The following LRCH2 variants were observed in gnomAD, a reference collection of about 807,000 sequenced individuals.
LRCH2 encodes the protein leucine-rich repeat and calponin homology domain-containing protein 2.
LRCH2 carries 38 observed loss-of-function variants against 68.9 expected under a neutral mutation model. The ratio of observed to expected loss-of-function variants is 0.55; its 90% CI spans 0.43 to 0.72. The LOEUF (loss-of-function observed/expected upper bound fraction) is 0.72. Ranked by LOEUF, LRCH2 falls within the 30% of genes least tolerant of loss-of-function variation. The pLI is 0.00. For synonymous variants in LRCH2, 191 were observed against 208.1 expected, an observed-to-expected ratio of 0.92 and a Z score of 0.71; for missense variants, 528 against 572.9, an observed-to-expected ratio of 0.92 and a Z score of 0.80.
intron 6 of LRCH2, among the ~76,000 whole-genome samples, chrX:115,168,943 TCAA>T (rs1556546453): frequency 9.0e-6 from 1 of 111,578 alleles, no homozygotes; most frequent in East Asian, 2.8e-4. Context: ...CTCTCTAAAA[TCAA>T]CATGTACCAC....
In LRCH2 at chrX:115,112,996, G is replaced by GA. The variant is rs1452062287; in HGVS notation, c.*219dup. 3 of 255,289 alleles carry GA rather than the reference G, an allele frequency of 1.2e-5. No homozygotes were observed. The highest frequency in any genetic ancestry group is 2.1e-5 in the Non-Finnish European group (3 of 142,574). 21.0% of individuals were successfully genotyped at this position (255,289 alleles called of 1,213,427 possible). A position where few individuals can be genotyped will look rare whatever the true frequency, so the allele number is the denominator to read the frequency against. On this transcript the variant is annotated 3_prime_UTR_variant, in exon 21 of 21. Transcript: ENST00000317135. ...AACTGACTTAGTAAAAAGAGAATTT[G>GA]AGTTTATCAAATACTCTTATTAAGT...
chrX:115,162,244 A>G (rs1376017176), intron 11 of LRCH2, among the ~76,000 whole-genome samples: 1 of 111,372 alleles, frequency 9.0e-6, no homozygotes, highest in Non-Finnish European at 1.9e-5. Context: ...TAAAAAAACA[A>G]TATTATCGTC....
At chrX:115,209,848 G>A (rs953424503) in intron 1 of LRCH2, among the ~76,000 whole-genome samples, 1 of 111,835 alleles carries the variant, frequency 8.9e-6, no homozygotes, top group African/African-American at 3.3e-5. Context: ...TTGGGAACTG[G>A]AGCAAAGGTG....
chrX:115,233,094 A>G (rs2073163421), intron 1 of LRCH2, among the ~76,000 whole-genome samples: 1 of 112,191 alleles, frequency 8.9e-6, no homozygotes, highest in South Asian at 3.7e-4. Context: ...GATTTAATTT[A>G]CCACTGCAGC....
intron 5 of LRCH2, among the ~76,000 whole-genome samples, chrX:115,174,593 C>A (rs1170878032): frequency 1.6e-3 from 12 of 7,538 alleles, no homozygotes; most frequent in African/African-American, 1.8e-3. Context: ...ACAAACACAC[C>A]CCCCCCCCCA....
chrX:115,176,741 CTT>C (rs1241375452), intron 5 of LRCH2, among the ~76,000 whole-genome samples: 4 of 104,448 alleles, frequency 3.8e-5, no homozygotes, highest in Non-Finnish European at 7.8e-5. Context: ...TTTCTTTTTT[CTT>C]TTTTTTTCTT....
chrX:115,182,690 G>A (rs910433584), intron 3 of LRCH2, among the ~76,000 whole-genome samples: 6 of 108,714 alleles, frequency 5.5e-5, no homozygotes, highest in African/African-American at 6.7e-5. Flanking sequence ...AAAATTAGCC[G>A]GGCGCGGTGG....
At chrX:115,199,613 T>C (rs2072915890) in intron 1 of LRCH2, among the ~76,000 whole-genome samples, 2 of 111,972 alleles carry the variant, frequency 1.8e-5, no homozygotes, top group Middle Eastern at 4.6e-3. Context: ...CAATTTTAAA[T>C]GTATATGCAC....
At chrX:115,130,010 C>T in intron 15 of LRCH2, 145 bp downstream of exon 15, 2 of 354,517 alleles carry the variant, frequency 5.6e-6, no homozygotes, top group South Asian at 1.1e-4. Context: ...TATGATGATG[C>T]TCATATGTTT....
intron 14 of LRCH2, among the ~76,000 whole-genome samples, chrX:115,147,627 A>G (rs1466813505): frequency 8.9e-6 from 1 of 111,990 alleles, no homozygotes; most frequent in African/African-American, 3.2e-5. Flanking sequence ...TATAAAAAAT[A>G]AAATACCAAT....
Position 115,179,727 on chromosome X carries a change from C to A in LRCH2, c.646G>T (p.Val216Phe). The change falls in exon 4 of 21, where the codon GTC becomes TTC. Residue 216 changes from valine to phenylalanine, a missense_variant. By Grantham distance (50) the Val-to-Phe change is conservative (BLOSUM62 -1). Transcript: ENST00000317135. ...ELDISCNEIQ[V>F]LPQQMGKLHS... ...AATTTTCCCATTTGTTGGGGAAGGACTTGAATCTCATTGCAGCTAATATCC... is the reference window on the plus strand; with the variant it reads ...AATTTTCCCATTTGTTGGGGAAGGAATTGAATCTCATTGCAGCTAATATCC... 1.6e-5 allele frequency: 18 copies of A among 1,154,431 alleles called. No individual in the cohort carries two copies. Among genetic ancestry groups the A allele is most frequent in the Non-Finnish European group, 2.1e-5 (18 of 866,108 alleles).
intron 1 of LRCH2, among the ~76,000 whole-genome samples, chrX:115,195,548 A>G (rs1556562893): frequency 1.8e-5 from 2 of 110,779 alleles, no homozygotes; most frequent in African/African-American, 6.6e-5. Flanking sequence ...AAACATTTCC[A>G]GCACACCTCA....
chrX:115,192,023 A>G (rs1556560631), intron 1 of LRCH2: 1 of 1,166,076 alleles, frequency 8.6e-7, no homozygotes, highest in African/African-American at 1.8e-5. Context: ...GGAGGCCACT[A>G]CGAAGAGTAC....
intron 1 of LRCH2, chrX:115,192,362 G>A: frequency 9.3e-7 from 1 of 1,078,984 alleles, no homozygotes. Flanking sequence ...TACGGCCTGA[G>A]CGACCGCTAC....
At chrX:115,171,166 A>T (rs2072601869) in intron 5 of LRCH2, among the ~76,000 whole-genome samples, 1 of 111,677 alleles carries the variant, frequency 9.0e-6, no homozygotes, top group Admixed American at 9.5e-5. Flanking sequence ...AAATTCTAAT[A>T]AAAAATGTAA....
intron 7 of LRCH2, 83 bp from the exon 8 acceptor site, chrX:115,166,035 T>C (rs1407015341): frequency 1.3e-6 from 1 of 746,703 alleles, no homozygotes; most frequent in Non-Finnish European, 2.0e-6. Flanking sequence ...ACATATGAAT[T>C]ACAGAATGTC....
chrX:115,192,548 T>C (rs1239807222), intron 1 of LRCH2: 1 of 1,169,466 alleles, frequency 8.6e-7, no homozygotes, highest in African/African-American at 1.8e-5. Context: ...AGCCCTCCCC[T>C]GCATGATTCT....
intron 1 of LRCH2, among the ~76,000 whole-genome samples, chrX:115,200,572 T>G (rs2072923207): frequency 9.2e-6 from 1 of 108,192 alleles, no homozygotes. Flanking sequence ...CTACCAAGAT[T>G]GAACAAGGAA....
At chrX:115,122,204 CAAA>C (rs1293459152) in intron 20 of LRCH2, among the ~76,000 whole-genome samples, 4 of 49,090 alleles carry the variant, frequency 8.1e-5, no homozygotes, top group Non-Finnish European at 4.0e-5. Context: ...TGTTCTCTAG[CAAA>C]AAAAAAAAAA....
Sources: gnomAD v4.1 joint callset for allele counts (sites outside exome capture counted in the v4.1 genomes callset) on GRCh38, gnomAD v4.1.1 for gene constraint, MANE v1.5 for transcripts, NCBI Gene and HGNC (gene_info 2026-07-23, HGNC 2026-07-21) for gene names.